DLG2: variants seen among roughly 807,000 people sequenced by gnomAD.
DLG2 encodes discs large MAGUK scaffold protein 2, also known as disks large homolog 2.
A neutral mutation model predicts 132.5 loss-of-function variants in DLG2; 45 were observed. The observed-to-expected ratio is 0.34, with a 90% confidence interval of 0.27 to 0.44. The LOEUF (loss-of-function observed/expected upper bound fraction) is 0.44. Among genes scored for constraint, DLG2 ranks in the 20% least tolerant of loss-of-function variants. The pLI, the probability that DLG2 is intolerant of heterozygous loss-of-function variation, is 1.00. For synonymous variants in DLG2, 424 were observed against 419.6 expected (o/e 1.01, Z -0.13); for missense variants, 1,045 against 1,196.9 (o/e 0.87, Z 1.87).
chr11:84,892,973 C>G (rs1394891975), intron 6 of DLG2, among the ~76,000 whole-genome samples: 2 of 152,130 alleles, frequency 1.3e-5, no homozygotes, highest in Admixed American at 6.6e-5. Context: ...GTAAGAGACT[C>G]AGAAGTTACA....
intron 6 of DLG2, among the ~76,000 whole-genome samples, chr11:84,599,167 C>T (rs758120517): frequency 6.6e-6 from 1 of 152,022 alleles, no homozygotes; most frequent in Non-Finnish European, 1.5e-5. Context: ...ATCATTCGAG[C>T]CCGGGAGGCA....
chr11:84,077,704 A>T (rs145595753), intron 10 of DLG2, among the ~76,000 whole-genome samples: 3 of 152,324 alleles, frequency 2.0e-5, no homozygotes, highest in African/African-American at 7.2e-5. Flanking sequence ...ATCCCATGGG[A>T]TATAAGTACA....
intron 11 of DLG2, among the ~76,000 whole-genome samples, chr11:84,058,709 AAAAC>A (rs2096544726): frequency 1.3e-5 from 2 of 151,262 alleles, no homozygotes; most frequent in South Asian, 2.1e-4. Context: ...AACAAAACAA[AAAAC>A]AAACAAACAA....
At chr11:84,272,517 T>G (rs2097737906) in intron 7 of DLG2, among the ~76,000 whole-genome samples, 1 of 152,168 alleles carries the variant, frequency 6.6e-6, no homozygotes, top group South Asian at 2.1e-4. Context: ...TATCAAATGT[T>G]GCCAGCCTGA....
chr11:85,533,047 G>A (rs907922603), intron 3 of DLG2, among the ~76,000 whole-genome samples: 2 of 145,904 alleles, frequency 1.4e-5, no homozygotes, highest in African/African-American at 5.2e-5. Flanking sequence ...GTTTTGAGAC[G>A]GAGTCTCAGT....
chr11:84,583,619 T>A (rs2099521867), intron 6 of DLG2, among the ~76,000 whole-genome samples: 1 of 152,222 alleles, frequency 6.6e-6, no homozygotes. Flanking sequence ...CTTTAAAACC[T>A]GAATGATAAA....
chr11:84,334,712 C>T (rs1286195441), intron 7 of DLG2, among the ~76,000 whole-genome samples: 4 of 152,104 alleles, frequency 2.6e-5, no homozygotes, highest in Non-Finnish European at 5.9e-5. Context: ...TGTCCCTGCC[C>T]TGATGGTGAT....
intron 6 of DLG2, among the ~76,000 whole-genome samples, chr11:84,562,399 C>T (rs535376532): frequency 6.6e-6 from 1 of 152,214 alleles, no homozygotes; most frequent in Admixed American, 6.5e-5. Flanking sequence ...AAGGAGGAGT[C>T]CAATTCAAAT....
rs2077237892 is a variant in DLG2, at chr11:85,561,394, T to C, written c.40+37263A>G. Among the ~76,000 whole-genome samples, 3 of 149,224 alleles carry C rather than the reference T, an allele frequency of 2.0e-5. No homozygotes were observed. In the South Asian group the frequency reaches 6.3e-4, roughly 32 times the overall value. Reference sequence around the variant, plus strand: ...TAGCTGTGTAAACTTTCATTTTTCTTTACTTTAACTGAGAGTAAATGACAA... The same window carrying C: ...TAGCTGTGTAAACTTTCATTTTTCTCTACTTTAACTGAGAGTAAATGACAA... On this transcript the variant is annotated intron_variant, in intron 3 of 27. Transcript: ENST00000376104.
intron 14 of DLG2, among the ~76,000 whole-genome samples, chr11:83,934,973 A>G (rs1334047258): frequency 6.6e-6 from 1 of 152,218 alleles, no homozygotes; most frequent in East Asian, 1.9e-4. Flanking sequence ...TTTGGGTCAT[A>G]TATGTATATG....
At chr11:83,911,296 G>A (rs1477306884) in intron 15 of DLG2, among the ~76,000 whole-genome samples, 2 of 152,064 alleles carry the variant, frequency 1.3e-5, no homozygotes, top group African/African-American at 4.8e-5. Context: ...TAAGGCAAAG[G>A]TGTAGGTTTG....
chr11:83,738,198 C>T (rs1250287157), intron 18 of DLG2, among the ~76,000 whole-genome samples: 1 of 152,160 alleles, frequency 6.6e-6, no homozygotes, highest in East Asian at 1.9e-4. Flanking sequence ...TTATAAACTG[C>T]TGCTCTTTAT....
At chr11:84,443,740 T>A (rs989036751) in intron 7 of DLG2, among the ~76,000 whole-genome samples, 13 of 152,162 alleles carry the variant, frequency 8.5e-5, no homozygotes, top group Admixed American at 2.0e-4. Flanking sequence ...AGGGTTATAT[T>A]TTTCTTATTG....
chr11:84,276,893 C>A lies in DLG2; in HGVS notation c.520-25602G>T, dbSNP rs111761568. Among the ~76,000 whole-genome samples the A allele has an allele frequency of 1.8e-3, 271 of 152,126 alleles. 1 individual carries two copies. Among genetic ancestry groups the A allele is most frequent in the African/African-American group, 6.4e-3 (264 of 41,520 alleles). ...CCTAAAATAACCAAACAAAAGGACACAATGTAGGAAAGAATGGGTTTCAAG... is the reference window on the plus strand; with the variant it reads ...CCTAAAATAACCAAACAAAAGGACAAAATGTAGGAAAGAATGGGTTTCAAG... On this transcript the variant is annotated intron_variant, in intron 7 of 27. Transcript: ENST00000376104.
At chr11:84,647,610 T>C (rs1173293232) in intron 6 of DLG2, among the ~76,000 whole-genome samples, 1 of 152,212 alleles carries the variant, frequency 6.6e-6, no homozygotes, top group Non-Finnish European at 1.5e-5. Context: ...TAAACACCTA[T>C]AGATAGTCAG....
chr11:84,027,345 T>C (rs2154084470), intron 11 of DLG2, among the ~76,000 whole-genome samples: 1 of 152,260 alleles, frequency 6.6e-6, no homozygotes, highest in South Asian at 2.1e-4. Flanking sequence ...TGCTGCTTAC[T>C]TAGGACATGT....
chr11:85,047,314 C>T (rs942825724), intron 6 of DLG2, among the ~76,000 whole-genome samples: 22 of 151,928 alleles, frequency 1.4e-4, no homozygotes, highest in Non-Finnish European at 2.8e-4. Flanking sequence ...TACCATAATA[C>T]TTCTCATGGC....
chr11:85,628,332 G>A (rs906083214), upstream of DLG2, among the ~76,000 whole-genome samples: 1 of 152,240 alleles, frequency 6.6e-6, no homozygotes, highest in Non-Finnish European at 1.5e-5. Context: ...AGGACGCGAA[G>A]AGATCAGGGA....
At chr11:83,735,389 C>T (rs1410168084) in intron 18 of DLG2, among the ~76,000 whole-genome samples, 1 of 152,184 alleles carries the variant, frequency 6.6e-6, no homozygotes, top group Non-Finnish European at 1.5e-5. Context: ...GTGGAATCCT[C>T]CCAGTTTGGG....
Sources: gnomAD v4.1 joint callset for allele counts (sites outside exome capture counted in the v4.1 genomes callset) on GRCh38, gnomAD v4.1.1 for gene constraint, MANE v1.5 for transcripts, NCBI Gene and HGNC (gene_info 2026-07-23, HGNC 2026-07-21) for gene names.